FSD1: variants seen among roughly 807,000 people sequenced by gnomAD.
FSD1 encodes fibronectin type III and SPRY domain-containing protein 1.
In FSD1, 23 loss-of-function variants were observed where a neutral mutation model predicts 58.2. The observed-to-expected ratio is 0.40, with a 90% CI of 0.28 to 0.56. FSD1 has a LOEUF of 0.56. Among genes scored for constraint, FSD1 ranks in the 20% least tolerant of loss-of-function variants. The pLI, the probability that FSD1 is intolerant of heterozygous loss-of-function variation, is 0.54. For synonymous variants in FSD1, 265 were observed against 263.4 expected (o/e 1.01, Z -0.06); for missense variants, 563 against 670.8 (o/e 0.84, Z 1.78).
At position 4,323,515 on chromosome 19, in the gene FSD1, C is replaced by T. The variant is rs751819191; in HGVS notation, c.1381-18C>T. ...GTTTGAAGCTGAGCCCCTCCCCCCT[C>T]CCCCCGCTGTCCCTCAGGTATGGTG... On this transcript the variant is annotated intron_variant, in intron 12 of 12. Coordinates refer to ENST00000221856, the MANE Select transcript of FSD1 (RefSeq NM_024333.3). The surrounding 1 kb of genome is among the most constrained non-coding windows in gnomAD (Gnocchi z 7.7). The T allele has an allele frequency of 1.1e-5, 14 of 1,278,630 alleles. No individual in the cohort carries two copies. The highest frequency in any genetic ancestry group is 1.7e-5 in the Admixed American group (1 of 59,056). The allele number at this position is 1,278,630 out of a possible 1,614,324, so 79.2% of individuals were successfully genotyped here. A position where few individuals can be genotyped will look rare whatever the true frequency, so the allele number is the denominator to read the frequency against.
intron 4 of FSD1, 119 bp downstream of exon 4, chr19:4,308,102 A>G (rs1971643202): frequency 4.3e-6 from 3 of 694,428 alleles, no homozygotes; most frequent in Middle Eastern, 2.5e-4. Context: ...TGGCAAAAGT[A>G]CATACTGATA....
rs773570628 is a variant in FSD1, at chr19:4,311,953, A to C, written c.602A>C (p.Glu201Ala). 4.3e-6 allele frequency: 7 copies of C among 1,613,576 alleles called. No individual in the cohort carries two copies. Among genetic ancestry groups the C allele is most frequent in the Non-Finnish European group, 5.1e-6 (6 of 1,180,008 alleles). The change falls in exon 7 of 13, where the codon GAG (glutamate) becomes GCG (alanine). Residue 201 changes from glutamate (E) to alanine (A), a missense_variant. By Grantham distance (107) the Glu-to-Ala change is moderately radical. Coordinates refer to ENST00000221856, the MANE Select transcript of FSD1 (RefSeq NM_024333.3). ...AGCAAGATTGACCACTACGTGCTGG[A>C]GTACCGGCGGACCAACTTCGAGGGC... ...EDSKIDHYVL[E>A]YRRTNFEGPP... is the part of the protein sequence containing the mutation.
Position 4,310,553 on chromosome 19 carries a change from C to T in FSD1, c.447C>T (p.Phe149=), listed in dbSNP as rs771449283. The change falls in exon 6 of 13, where the codon TTC becomes TTT. Residue 149 remains phenylalanine (F), a synonymous_variant. Coordinates refer to ENST00000221856, the MANE Select transcript of FSD1 (RefSeq NM_024333.3). ...ACATGAGTCACCTCATGGTGGACTT[C>T]GCGCAAGAGCGGCAGATGCTACAGG... is the stretch of plus-strand genomic sequence containing the variant. ...SDNMSHLMVD[F]AQERQMLQAL... is the part of the protein sequence containing the mutation. 15 of 1,613,840 alleles carry T rather than the reference C, an allele frequency of 9.3e-6. No individual in the cohort carries two copies. The highest frequency in any genetic ancestry group is 1.2e-5 in the Non-Finnish European group (14 of 1,179,968).
intron 4 of FSD1, 80 bp from the exon 5 acceptor site, chr19:4,310,193 C>A: frequency 6.5e-7 from 1 of 1,536,788 alleles, no homozygotes; most frequent in Non-Finnish European, 9.0e-7. Flanking sequence ...CCACTGCAAT[C>A]CAGCCTGGGC....
rs773324581 is a variant in FSD1 at position 4,318,939 on chromosome 19, T to A, written c.1027T>A (p.Tyr343Asn). The A allele has an allele frequency of 6.2e-7, 1 of 1,613,300 alleles. No individual in the cohort carries two copies. Among genetic ancestry groups the A allele is most frequent in the African/African-American group, 1.3e-5 (1 of 74,906 alleles). The change falls in exon 10 of 13, where the codon TAC becomes AAC. Residue 343 changes from tyrosine to asparagine, a missense_variant. Coordinates refer to ENST00000221856, the MANE Select transcript of FSD1 (RefSeq NM_024333.3). ...GGRDRFTAES[Y>N]TVLGDTLIDG... is the part of the protein sequence containing the mutation. ...ACGGGACCGCTTCACCGCTGAGTCC[T>A]ACACAGTTCTGGGTAAGGAAGGGGA...
chr19:4,313,348 CAA>C (rs201497356), intron 7 of FSD1, among the ~76,000 whole-genome samples: 3,305 of 148,200 alleles, frequency 0.022, 56 homozygotes, highest in Middle Eastern at 0.049. Context: ...CTCTACTAAA[CAA>C]AGAGAGAAAA....
chr19:4,317,353 G>A, intron 8 of FSD1, 73 bp downstream of exon 8: 1 of 954,512 alleles, frequency 1.0e-6, no homozygotes, highest in Non-Finnish European at 1.7e-6. Flanking sequence ...GAGACCATGA[G>A]AATCCTCGAA....
In FSD1 at chr19:4,310,478, G is replaced by A. The variant is rs200369660; in HGVS notation, c.372G>A (p.Val124=). The stretch of plus-strand genomic sequence containing the variant: ...GCCTGCCACCTCCTTCCTGCAGAGT[G>A]ACCATGGCCCCTGCCTTCCGGCTAT... ...PQAAKQIKDG[V]TMAPAFRLSL... Residue 124 remains valine (V), a synonymous_variant, in exon 6 of 13, where the codon GTG becomes GTA. Transcript: ENST00000221856. 6.2e-6 allele frequency: 10 copies of A among 1,611,586 alleles called. No individual in the cohort carries two copies. Among genetic ancestry groups the A allele is most frequent in the Non-Finnish European group, 7.6e-6 (9 of 1,178,256 alleles).
In FSD1 at chr19:4,323,391, C is replaced by G; in HGVS notation, c.1335C>G (p.His445Gln). The G allele has an allele frequency of 1.2e-6, 2 of 1,613,960 alleles. No homozygotes were observed. Among genetic ancestry groups the G allele is most frequent in the Non-Finnish European group, 1.7e-6 (2 of 1,179,910 alleles). Residue 445 changes from histidine to glutamine, a missense_variant, in exon 12 of 13, where the codon CAC becomes CAG. His to Gln is a conservative substitution (Grantham distance 24, BLOSUM62 0). Transcript: ENST00000221856. The surrounding 1 kb of genome is among the most constrained non-coding windows in gnomAD (Gnocchi z 7.7). The part of the protein sequence containing the change: ...FYNARTKQVL[H>Q]TFKTRFTQPL... ...ATGCCCGCACCAAACAAGTGCTGCA[C>G]ACTTTCAAGACCAGGTTCACACAGC... is the stretch of plus-strand genomic sequence containing the variant.
At chr19:4,305,416 C>T (rs1169111313) in intron 1 of FSD1, among the ~76,000 whole-genome samples, 6 of 151,954 alleles carry the variant, frequency 3.9e-5, no homozygotes, top group Admixed American at 3.9e-4. Context: ...GAACCCTTTC[C>T]CCAGGTTAGC....
chr19:4,318,794 G>C (rs892564646), intron 9 of FSD1, 78 bp from the exon 10 acceptor site: 33 of 1,172,152 alleles, frequency 2.8e-5, no homozygotes, highest in Middle Eastern at 2.4e-4. Flanking sequence ...GGCTGGGGTG[G>C]ACTAGGGTAG....
chr19:4,316,220 C>G (rs752427756), intron 7 of FSD1, among the ~76,000 whole-genome samples: 7 of 151,990 alleles, frequency 4.6e-5, no homozygotes, highest in Non-Finnish European at 8.8e-5. Context: ...ACCACCACAC[C>G]CAGCTAATTT....
intron 5 of FSD1, 66 bp downstream of exon 5, chr19:4,310,361 G>A: frequency 6.2e-7 from 1 of 1,609,546 alleles, no homozygotes; most frequent in Non-Finnish European, 8.5e-7. Context: ...GGGGCCACCT[G>A]GTGAGGGTGT....
intron 6 of FSD1, chr19:4,311,321 T>A (rs1971688531): frequency 6.3e-6 from 1 of 158,434 alleles, no homozygotes; most frequent in South Asian, 1.8e-4. Context: ...GATTTTGGAA[T>A]AATTCTGCCT....
At chr19:4,310,631 C>CG in intron 6 of FSD1, 35 bp downstream of exon 6, 1 of 1,596,888 alleles carries the variant, frequency 6.3e-7, no homozygotes, top group Non-Finnish European at 8.5e-7. Context: ...CCAGGACTTC[C>CG]GGGGAATGAC....
intron 4 of FSD1, among the ~76,000 whole-genome samples, chr19:4,308,918 A>G (rs929862026): frequency 2.2e-5 from 3 of 138,400 alleles, no homozygotes; most frequent in Non-Finnish European, 4.7e-5. Flanking sequence ...TACTAAATAT[A>G]CAAAAAGTTA....
At position 4,323,753 on chromosome 19, in the gene FSD1, C is replaced by T. The variant is rs1971735030; in HGVS notation, c.*110C>T. 3.2e-5 allele frequency: 24 copies of T among 746,530 alleles called. No homozygotes were observed. Among genetic ancestry groups the T allele is most frequent in the South Asian group, 2.9e-4 (16 of 55,566 alleles). 46.2% of individuals were successfully genotyped at this position (746,530 alleles called of 1,614,324 possible). A position where few individuals can be genotyped will look rare whatever the true frequency, so the allele number is the denominator to read the frequency against. On this transcript the variant is annotated 3_prime_UTR_variant, in exon 13 of 13. Coordinates refer to ENST00000221856, the MANE Select transcript of FSD1 (RefSeq NM_024333.3). This position sits in a 1 kb window ranked among gnomAD's most constrained non-coding sequence, Gnocchi z 7.7. Reference sequence around the variant, plus strand: ...CACTTGCTGCTTGGAGCCTTAACTCCAGATGGGGGGGTCACCAAGAGGGAG... The same window carrying T: ...CACTTGCTGCTTGGAGCCTTAACTCTAGATGGGGGGGTCACCAAGAGGGAG...
At chr19:4,310,672 C>G in intron 6 of FSD1, 76 bp downstream of exon 6, 3 of 1,529,132 alleles carry the variant, frequency 2.0e-6, no homozygotes, top group Non-Finnish European at 1.8e-6. Context: ...GAAACAGGAC[C>G]TGGAGTATGG....
chr19:4,310,166 A>C (rs1186760452), intron 4 of FSD1, 107 bp from the exon 5 acceptor site: 2 of 1,226,976 alleles, frequency 1.6e-6, no homozygotes, highest in Non-Finnish European at 2.4e-6. Context: ...TGGAGGTTGC[A>C]GTGAGCCGAG....
Sources: gnomAD v4.1 joint callset for allele counts (sites outside exome capture counted in the v4.1 genomes callset) on GRCh38, gnomAD v4.1.1 for gene constraint, Gnocchi (gnomAD v3.1) non-coding constraint, MANE v1.5 for transcripts, NCBI Gene and HGNC (gene_info 2026-07-23, HGNC 2026-07-21) for gene names.